The following WWOX variants were observed in gnomAD, a reference collection of about 807,000 sequenced individuals.
WWOX encodes WW domain-containing oxidoreductase.
A neutral mutation model predicts 46.2 loss-of-function variants in WWOX; 69 were observed. The ratio of observed to expected loss-of-function variants is 1.49; its 90% confidence interval spans 1.23 to 1.82. WWOX has a LOEUF of 1.82. WWOX is among the 40% of genes most tolerant of loss of function. WWOX has a pLI of 0.00. For missense variants in WWOX, 919 were observed against 542.6 expected (o/e 1.69, Z -6.89); for synonymous variants, 359 against 202.6 (o/e 1.77, Z -6.56).
At chr16:78,672,381 A>G (rs184828769) in intron 8 of WWOX, among the ~76,000 whole-genome samples, 1 of 152,350 alleles carries the variant, frequency 6.6e-6, no homozygotes, top group East Asian at 1.9e-4. Context: ...ATCAGAAAAT[A>G]CATACATTGA....
chr16:78,439,514 C>T (rs1008865680), intron 8 of WWOX, among the ~76,000 whole-genome samples: 1 of 152,124 alleles, frequency 6.6e-6, no homozygotes, highest in African/African-American at 2.4e-5. Context: ...TTTAAGTTTA[C>T]AGTGCTTGCT....
At chr16:78,428,123 T>C (rs1193817208) in intron 7 of WWOX, among the ~76,000 whole-genome samples, 1 of 152,150 alleles carries the variant, frequency 6.6e-6, no homozygotes, top group Non-Finnish European at 1.5e-5. Flanking sequence ...AATACAAGAT[T>C]TGTGAGGGGC....
chr16:78,637,069 C>G (rs1357226008), intron 8 of WWOX, among the ~76,000 whole-genome samples: 1 of 152,180 alleles, frequency 6.6e-6, no homozygotes, highest in Non-Finnish European at 1.5e-5. Context: ...GGAATGTGGA[C>G]TAATGAAAAA....
At chr16:78,802,916 A>AAAAAAAAAAAAAAAAAAAAAAG (rs2050928758) in intron 8 of WWOX, among the ~76,000 whole-genome samples, 1 of 66,526 alleles carries the variant, frequency 1.5e-5, no homozygotes, top group Non-Finnish European at 3.3e-5. Flanking sequence ...ACTTCATCTG[A>AAAAAAAAAAAAAAAAAAAAAAG]AAAAAAAAAA....
At chr16:78,365,612 A>G (rs1035685751) in intron 5 of WWOX, among the ~76,000 whole-genome samples, 1 of 152,214 alleles carries the variant, frequency 6.6e-6, no homozygotes, top group Non-Finnish European at 1.5e-5. Context: ...TTTCCACATT[A>G]TGAAGTGGCT....
At chr16:78,443,380 A>G (rs2083488941) in intron 8 of WWOX, among the ~76,000 whole-genome samples, 2 of 152,276 alleles carry the variant, frequency 1.3e-5, no homozygotes, top group African/African-American at 4.8e-5. Context: ...AATGCTCATC[A>G]GAACTCAGCA....
intron 8 of WWOX, among the ~76,000 whole-genome samples, chr16:78,820,931 C>T (rs2051476707): frequency 6.6e-6 from 1 of 152,196 alleles, no homozygotes; most frequent in Admixed American, 6.5e-5. Flanking sequence ...TCACCTTCTC[C>T]TCTGGCTTTG....
chr16:78,203,117 A>G (rs2036284928), intron 5 of WWOX, among the ~76,000 whole-genome samples: 1 of 152,166 alleles, frequency 6.6e-6, no homozygotes, highest in Non-Finnish European at 1.5e-5. Context: ...GAGGTCAAGT[A>G]AAGGCCATAA....
intron 5 of WWOX, among the ~76,000 whole-genome samples, chr16:78,330,891 T>C (rs2080740837): frequency 6.6e-6 from 1 of 152,258 alleles, no homozygotes; most frequent in African/African-American, 2.4e-5. Flanking sequence ...ATATGCATGT[T>C]CTTATTTTCA....
At chr16:78,643,474 G>A (rs908158263) in intron 8 of WWOX, among the ~76,000 whole-genome samples, 8 of 152,144 alleles carry the variant, frequency 5.3e-5, no homozygotes, top group African/African-American at 1.9e-4. Context: ...TCACCCATGA[G>A]TAGCAATTAG....
chr16:78,385,526 C>G (rs1033680295), intron 5 of WWOX, among the ~76,000 whole-genome samples: 1 of 152,132 alleles, frequency 6.6e-6, no homozygotes, highest in Non-Finnish European at 1.5e-5. Context: ...AGTGTGTTTT[C>G]TAGCTGTCAC....
rs140583084 is a variant in WWOX, at chr16:78,923,590, T to A, written c.1057-288018T>A. Among the ~76,000 whole-genome samples the A allele has an allele frequency of 4.2e-3, 640 of 152,244 alleles. 2 individuals are homozygous for A. Among genetic ancestry groups the A allele is most frequent in the African/African-American group, 0.015 (617 of 41,550 alleles). ...CATTCATAGTGTGTTAGCAGCTTTT[T>A]CTACAAATCTCTTGGCGGGTGGGGG... is the stretch of plus-strand genomic sequence containing the variant. On this transcript the variant is annotated intron_variant, in intron 8 of 8. Transcript: ENST00000566780.
chr16:79,133,662 C>G (rs760344898), intron 8 of WWOX, among the ~76,000 whole-genome samples: 5 of 152,064 alleles, frequency 3.3e-5, no homozygotes, highest in Admixed American at 6.5e-5. Context: ...CTGTCCTTGC[C>G]GGTGGCCTGC....
At chr16:78,357,316 C>G (rs138644097) in intron 5 of WWOX, among the ~76,000 whole-genome samples, 5 of 152,260 alleles carry the variant, frequency 3.3e-5, no homozygotes, top group African/African-American at 1.2e-4. Flanking sequence ...AGCATAGGTA[C>G]TTACCTTTCT....
Position 78,254,748 on chromosome 16 carries a change from C to T in WWOX, c.516+90459C>T, listed in dbSNP as rs532521535. Among the ~76,000 whole-genome samples, 541 of 152,124 alleles carry T rather than the reference C, an allele frequency of 3.6e-3. 2 individuals are homozygous for T. The highest frequency in any genetic ancestry group is 0.012 in the African/African-American group (496 of 41,512). On this transcript the variant is annotated intron_variant, in intron 5 of 8. Transcript: ENST00000566780. The stretch of plus-strand genomic sequence containing the variant: ...TTCACTCTGTTGCCCAGGCTGGTCT[C>T]GAACTCGCAAGTTCAAGCGATCTGC...
rs1473568104 is a variant in WWOX, at chr16:78,354,724, A to G, written c.517-32136A>G. Reference sequence around the variant, plus strand: ...TAGGTAAACTGTTTTGTTTGTCATTATGTTCTCTCATTCTGTTAAATTTTG... The same window carrying G: ...TAGGTAAACTGTTTTGTTTGTCATTGTGTTCTCTCATTCTGTTAAATTTTG... On this transcript the variant is annotated intron_variant, in intron 5 of 8. Transcript: ENST00000566780. 5.9e-5 allele frequency among the ~76,000 whole-genome samples: 9 copies of G among 151,806 alleles called. No homozygotes were observed. The East Asian group carries it at 1.7e-3, about 29-fold the overall frequency.
At chr16:78,306,687 C>G (rs978727744) in intron 5 of WWOX, among the ~76,000 whole-genome samples, 2 of 151,714 alleles carry the variant, frequency 1.3e-5, no homozygotes, top group African/African-American at 2.4e-5. Flanking sequence ...CTGATGAGCC[C>G]TATGCCTTCC....
chr16:79,124,343 C>G (rs1484176349), intron 8 of WWOX, among the ~76,000 whole-genome samples: 1 of 126,694 alleles, frequency 7.9e-6, no homozygotes, highest in Non-Finnish European at 1.7e-5. Context: ...TATTCATGGA[C>G]TTTTTGAAAA....
At chr16:78,448,248 T>A (rs1464495419) in intron 8 of WWOX, among the ~76,000 whole-genome samples, 2 of 152,178 alleles carry the variant, frequency 1.3e-5, no homozygotes, top group African/African-American at 4.8e-5. Flanking sequence ...CAGTAATGCA[T>A]AACGGGGGAG....
Sources: gnomAD v4.1 joint callset for allele counts (sites outside exome capture counted in the v4.1 genomes callset) on GRCh38, gnomAD v4.1.1 for gene constraint, MANE v1.5 for transcripts, NCBI Gene and HGNC (gene_info 2026-07-23, HGNC 2026-07-21) for gene names.